MEI4: variants seen among roughly 807,000 people sequenced by gnomAD.
The protein encoded by MEI4 is meiotic double-stranded break formation protein 4.
In MEI4, 27 loss-of-function variants were observed where a neutral mutation model predicts 31.4. The observed-to-expected ratio is 0.86, with a 90% CI of 0.63 to 1.19. The LOEUF is 1.19. Ranked by LOEUF, MEI4 falls within the 50% of genes most tolerant of loss-of-function variation. MEI4 has a pLI of 0.00. For synonymous variants in MEI4, 122 were observed against 145.4 expected, an observed-to-expected ratio of 0.84 and a Z score of 1.16; for missense variants, 329 against 398.9, an observed-to-expected ratio of 0.82 and a Z score of 1.49.
intron 3 of MEI4, among the ~76,000 whole-genome samples, chr6:77,818,934 C>T (rs372069024): frequency 1.3e-5 from 2 of 152,072 alleles, no homozygotes; most frequent in East Asian, 1.9e-4. Flanking sequence ...TATAGGGTCT[C>T]ACTATGTTGC....
intron 2 of MEI4, among the ~76,000 whole-genome samples, chr6:77,744,532 T>C (rs976726332): frequency 2.0e-5 from 3 of 152,072 alleles, no homozygotes; most frequent in African/African-American, 7.2e-5. Flanking sequence ...GGAACCAAGT[T>C]GGAAAACACT....
At chr6:77,653,423 C>G (rs1422703098) in intron 1 of MEI4, among the ~76,000 whole-genome samples, 2 of 152,100 alleles carry the variant, frequency 1.3e-5, no homozygotes, top group African/African-American at 2.4e-5. Flanking sequence ...GGTTAGTCTT[C>G]TTTTCTTTCA....
intron 2 of MEI4, among the ~76,000 whole-genome samples, chr6:77,757,342 AAGG>A (rs1767941238): frequency 6.6e-6 from 1 of 152,204 alleles, no homozygotes; most frequent in South Asian, 2.1e-4. Flanking sequence ...AGAGCACTGA[AAGG>A]AGATTCTTCT....
chr6:77,919,505 A>G (rs1327143650), intron 4 of MEI4, among the ~76,000 whole-genome samples: 1 of 152,122 alleles, frequency 6.6e-6, no homozygotes, highest in African/African-American at 2.4e-5. Flanking sequence ...AGCAGTGTGT[A>G]GAGGGAAATT....
At chr6:77,742,572 G>A (rs1017954976) in intron 2 of MEI4, among the ~76,000 whole-genome samples, 4 of 152,128 alleles carry the variant, frequency 2.6e-5, no homozygotes, top group African/African-American at 9.7e-5. Context: ...TTTGTAGGTT[G>A]CCTATTCACT....
At chr6:77,727,925 AG>A (rs1554155869) in intron 2 of MEI4, among the ~76,000 whole-genome samples, 1 of 113,256 alleles carries the variant, frequency 8.8e-6, no homozygotes, top group Non-Finnish European at 2.1e-5. Context: ...GATGTACATT[AG>A]TTAGAGAAAA....
chr6:77,799,041 A>G (rs1303917623), intron 3 of MEI4, among the ~76,000 whole-genome samples: 93 of 151,992 alleles, frequency 6.1e-4, no homozygotes, highest in African/African-American at 2.0e-3. Context: ...TGGTATTTCC[A>G]GTTCTAGATC....
intron 2 of MEI4, among the ~76,000 whole-genome samples, chr6:77,712,706 T>A (rs1766493546): frequency 6.6e-6 from 1 of 152,160 alleles, no homozygotes; most frequent in African/African-American, 2.4e-5. Context: ...GTGCGGTGGC[T>A]CATGCCTGTA....
rs1419498342 is a variant in MEI4, at chr6:77,690,846, A to T, written c.175A>T (p.Met59Leu). The change falls in exon 2 of 5, where the codon ATG becomes TTG. Residue 59 changes from methionine to leucine, a missense_variant. Transcript: ENST00000684080. Reference protein sequence around the residue: ...SKVEILEAEVMQLRQKLLVSR... With the variant: ...SKVEILEAEVLQLRQKLLVSR... Reference sequence around the variant, plus strand: ...AGTTGAAATCTTGGAAGCTGAAGTTATGCAATTACGTCAAAAACTTCTTGT... The same window carrying T: ...AGTTGAAATCTTGGAAGCTGAAGTTTTGCAATTACGTCAAAAACTTCTTGT... 2 of 1,231,360 alleles carry T rather than the reference A, an allele frequency of 1.6e-6. No individual in the cohort carries two copies. 76.3% of individuals were successfully genotyped at this position (1,231,360 alleles called of 1,614,324 possible).
intron 2 of MEI4, among the ~76,000 whole-genome samples, chr6:77,742,306 T>C (rs575413706): frequency 0.023 from 3,434 of 151,636 alleles, 118 homozygotes; most frequent in African/African-American, 0.077. Flanking sequence ...TTTTAATGAT[T>C]GCCATTCTAA....
At chr6:77,839,393 C>T (rs1215072757) in intron 4 of MEI4, among the ~76,000 whole-genome samples, 1 of 152,138 alleles carries the variant, frequency 6.6e-6, no homozygotes, top group African/African-American at 2.4e-5. Context: ...CTATCCTTCT[C>T]CAGCCCTTTG....
intron 4 of MEI4, among the ~76,000 whole-genome samples, chr6:77,838,903 CAA>C (rs377478626): frequency 1.6e-5 from 2 of 124,754 alleles, no homozygotes. Flanking sequence ...AACTCTATCT[CAA>C]AAAAAAAAAA....
rs1771165193 is a variant in MEI4 at position 77,870,527 on chromosome 6, CTAGTT to C, written c.900+41466_900+41470del. On this transcript the variant is annotated intron_variant, in intron 4 of 4. Transcript: ENST00000684080. ...CTTTGTAAAGCAGTATGTCCAAACT[CTAGTT>C]AAATGGATATATCTTTTATTTGGCT... Among the ~76,000 whole-genome samples, 6 of 152,230 alleles carry C rather than the reference CTAGTT, an allele frequency of 3.9e-5. 1 individual carries two copies. In the South Asian group the frequency reaches 1.2e-3, roughly 32 times the overall value.
intron 3 of MEI4, among the ~76,000 whole-genome samples, chr6:77,768,267 A>C (rs933713715): frequency 6.6e-6 from 1 of 152,216 alleles, no homozygotes; most frequent in Non-Finnish European, 1.5e-5. Context: ...AGTGCAAAGG[A>C]AATAAACTGA....
intron 2 of MEI4, among the ~76,000 whole-genome samples, chr6:77,697,124 AT>A (rs1766069556): frequency 6.6e-6 from 1 of 152,112 alleles, no homozygotes; most frequent in Non-Finnish European, 1.5e-5. Flanking sequence ...TCCCGTTATC[AT>A]TTTTTATTGT....
chr6:77,696,999 G>C (rs1056746693), intron 2 of MEI4, among the ~76,000 whole-genome samples: 1 of 152,192 alleles, frequency 6.6e-6, no homozygotes, highest in Non-Finnish European at 1.5e-5. Flanking sequence ...TCTTGGGAGA[G>C]TGTATGTGTC....
intron 1 of MEI4, among the ~76,000 whole-genome samples, chr6:77,677,985 G>A (rs1166940269): frequency 6.6e-6 from 1 of 152,122 alleles, no homozygotes. Context: ...GTAAAAATCT[G>A]AGTATCTTTT....
In MEI4 at chr6:77,797,383, T is replaced by C. The variant is rs538828471; in HGVS notation, c.769-31548T>C. On this transcript the variant is annotated intron_variant, in intron 3 of 4. Transcript: ENST00000684080. ...TTTGCACAGCCAGGGAAACAATCAATAGATTGAAAAGCCACCTTATGAAAT... is the reference window on the plus strand; with the variant it reads ...TTTGCACAGCCAGGGAAACAATCAACAGATTGAAAAGCCACCTTATGAAAT... Among the ~76,000 whole-genome samples, 127 of 152,230 alleles carry C rather than the reference T, an allele frequency of 8.3e-4. 1 individual carries two copies. The highest frequency in any genetic ancestry group is 2.9e-3 in the African/African-American group (120 of 41,534).
chr6:77,797,971 C>T lies in MEI4; in HGVS notation c.769-30960C>T, dbSNP rs147277245. On this transcript the variant is annotated intron_variant, in intron 3 of 4. Transcript: ENST00000684080. ...CTTAGTAAAGTAAGAGTCTCACACACACAAGCCTATGTATGTTCGAATGAC... is the reference window on the plus strand; with the variant it reads ...CTTAGTAAAGTAAGAGTCTCACACATACAAGCCTATGTATGTTCGAATGAC... Among the ~76,000 whole-genome samples, 211 of 152,216 alleles carry T rather than the reference C, an allele frequency of 1.4e-3. 1 individual carries two copies. Among genetic ancestry groups the T allele is most frequent in the African/African-American group, 4.5e-3 (185 of 41,542 alleles).
Sources: gnomAD v4.1 joint callset for allele counts (sites outside exome capture counted in the v4.1 genomes callset) on GRCh38, gnomAD v4.1.1 for gene constraint, MANE v1.5 for transcripts, NCBI Gene and HGNC (gene_info 2026-07-23, HGNC 2026-07-21) for gene names.